The following GRID2 variants were observed in gnomAD, a reference collection of about 807,000 sequenced individuals.
The protein encoded by GRID2 is glutamate receptor ionotropic, delta-2.
A neutral mutation model predicts 114.8 loss-of-function variants in GRID2; 33 were observed. The ratio of observed to expected loss-of-function variants is 0.29; its 90% CI spans 0.22 to 0.38. GRID2 has a LOEUF of 0.38. Among genes scored for constraint, GRID2 ranks in the 10% least tolerant of loss-of-function variants. The pLI, the probability that GRID2 is intolerant of heterozygous loss-of-function variation, is 1.00. For missense variants in GRID2, 1,184 were observed against 1,257.7 expected (o/e 0.94, Z 0.89); for synonymous variants, 505 against 449.9 (o/e 1.12, Z -1.55).
intron 2 of GRID2, among the ~76,000 whole-genome samples, chr4:93,070,978 A>T (rs1728757724): frequency 6.6e-6 from 1 of 152,098 alleles, no homozygotes; most frequent in Non-Finnish European, 1.5e-5. Context: ...TACGCCAAGC[A>T]TATCTGAGTT....
At chr4:93,239,235 T>G (rs999491188) in intron 8 of GRID2, among the ~76,000 whole-genome samples, 2 of 148,324 alleles carry the variant, frequency 1.3e-5, no homozygotes, top group Non-Finnish European at 3.0e-5. Flanking sequence ...CACATATAGA[T>G]ATATTTGGTA....
intron 4 of GRID2, among the ~76,000 whole-genome samples, chr4:93,142,362 A>C (rs1443087899): frequency 6.6e-6 from 1 of 152,230 alleles, no homozygotes; most frequent in African/African-American, 2.4e-5. Flanking sequence ...TAGGAGGTCC[A>C]AGATCAAGGT....
At chr4:92,444,329 C>T (rs912476301) in intron 1 of GRID2, among the ~76,000 whole-genome samples, 5 of 151,720 alleles carry the variant, frequency 3.3e-5, no homozygotes, top group African/African-American at 1.2e-4. Flanking sequence ...AAGGGTGGGG[C>T]CGTTTTATAG....
At chr4:93,197,357 GT>G (rs1346438350) in intron 4 of GRID2, among the ~76,000 whole-genome samples, 1 of 152,056 alleles carries the variant, frequency 6.6e-6, no homozygotes, top group African/African-American at 2.4e-5. Flanking sequence ...TTAACTTTTT[GT>G]TCCTCAGTTT....
Position 93,679,030 on chromosome 4 carries a change from C to T in GRID2, c.2360+52595C>T, listed in dbSNP as rs548533011. On this transcript the variant is annotated intron_variant, in intron 14 of 15. Transcript: ENST00000282020. The stretch of plus-strand genomic sequence containing the variant: ...CCATCAGTGTGCTGTATTCAGGAAA[C>T]CCATCACACATGCAGAGACACACAT... Among the ~76,000 whole-genome samples, 39 of 151,156 alleles carry T rather than the reference C, an allele frequency of 2.6e-4. 2 individuals are homozygous for T. Among genetic ancestry groups the T allele is most frequent in the Admixed American group, 4.6e-4 (7 of 15,222 alleles).
In GRID2 at chr4:92,845,662, G is replaced by A. The variant is rs555835716; in HGVS notation, c.245-239333G>A. Among the ~76,000 whole-genome samples, 12 of 152,172 alleles carry A rather than the reference G, an allele frequency of 7.9e-5. No individual in the cohort carries two copies. In the South Asian group the frequency reaches 2.5e-3, roughly 32 times the overall value. ...ATGGATATCAGGTGCACACCTGGCA[G>A]CAACCACACAATTGAGAAGCAATTT... On this transcript the variant is annotated intron_variant, in intron 2 of 15. Coordinates refer to ENST00000282020, the MANE Select transcript of GRID2 (RefSeq NM_001510.4).
intron 13 of GRID2, among the ~76,000 whole-genome samples, chr4:93,619,760 C>A (rs1437130118): frequency 1.3e-5 from 2 of 152,068 alleles, no homozygotes; most frequent in Non-Finnish European, 2.9e-5. Flanking sequence ...CAACCTTTTT[C>A]TTAAAAGCCC....
chr4:93,626,182 C>A, intron 13 of GRID2, 87 bp from the exon 14 acceptor site: 1 of 655,386 alleles, frequency 1.5e-6, no homozygotes. Context: ...TAAATATATA[C>A]CAATGTAATG....
At chr4:93,091,962 A>ATC (rs1306336672) in intron 3 of GRID2, among the ~76,000 whole-genome samples, 3 of 152,160 alleles carry the variant, frequency 2.0e-5, no homozygotes, top group African/African-American at 4.8e-5. Flanking sequence ...GGTGTAGGTA[A>ATC]TCCCACACGA....
chr4:92,988,728 G>A (rs538909567), intron 2 of GRID2, among the ~76,000 whole-genome samples: 1 of 152,088 alleles, frequency 6.6e-6, no homozygotes, highest in Non-Finnish European at 1.5e-5. Context: ...ATCCCTGGAA[G>A]AATATAGAAA....
intron 1 of GRID2, among the ~76,000 whole-genome samples, chr4:92,559,384 G>T (rs974272534): frequency 2.6e-5 from 4 of 152,132 alleles, no homozygotes; most frequent in South Asian, 2.1e-4. Context: ...TTCACATTTT[G>T]GATTATTTCA....
chr4:93,135,701 C>T (rs556640014), intron 4 of GRID2, among the ~76,000 whole-genome samples: 1 of 152,236 alleles, frequency 6.6e-6, no homozygotes, highest in Admixed American at 6.5e-5. Flanking sequence ...TGAAAATAAA[C>T]TAAGCCCTAG....
intron 12 of GRID2, among the ~76,000 whole-genome samples, chr4:93,507,912 T>C (rs1180254709): frequency 6.6e-6 from 1 of 152,090 alleles, no homozygotes; most frequent in African/African-American, 2.4e-5. Context: ...GCCCAGCTGA[T>C]TGTGTTACAG....
intron 2 of GRID2, among the ~76,000 whole-genome samples, chr4:92,939,757 G>A (rs1293259782): frequency 2.0e-5 from 3 of 147,374 alleles, no homozygotes; most frequent in African/African-American, 7.3e-5. Flanking sequence ...GTGTAAGGAA[G>A]GGATCCAGTT....
intron 14 of GRID2, among the ~76,000 whole-genome samples, chr4:93,758,416 A>T (rs1450265006): frequency 6.6e-6 from 1 of 152,164 alleles, no homozygotes; most frequent in East Asian, 1.9e-4. Context: ...TCTAACTTAG[A>T]TGTTGTTTGC....
In GRID2 at chr4:92,759,462, T is replaced by C. The variant is rs549514798; in HGVS notation, c.244+169176T>C. Among the ~76,000 whole-genome samples the C allele has an allele frequency of 3.2e-3, 492 of 152,272 alleles. 1 individual carries two copies. The highest frequency in any genetic ancestry group is 0.011 in the African/African-American group (477 of 41,554). On this transcript the variant is annotated intron_variant, in intron 2 of 15. Coordinates refer to ENST00000282020, the MANE Select transcript of GRID2 (RefSeq NM_001510.4). Reference sequence around the variant, plus strand: ...ATGAAAAGGAACTTCCCCCCAATACTTTTCATTCACTGATGAGCGCTCCAC... The same window carrying C: ...ATGAAAAGGAACTTCCCCCCAATACCTTTCATTCACTGATGAGCGCTCCAC...
chr4:92,943,633 C>G (rs895909187), intron 2 of GRID2, among the ~76,000 whole-genome samples: 1 of 152,168 alleles, frequency 6.6e-6, no homozygotes, highest in Admixed American at 6.5e-5. Flanking sequence ...GAGCTGCATT[C>G]CTTTGGAGGA....
chr4:93,204,541 A>T (rs1404441756), intron 4 of GRID2, among the ~76,000 whole-genome samples: 1 of 152,150 alleles, frequency 6.6e-6, no homozygotes, highest in Non-Finnish European at 1.5e-5. Flanking sequence ...TGCTGACCCT[A>T]AGCAACAGAG....
At chr4:93,719,741 T>C (rs577171356) in intron 14 of GRID2, among the ~76,000 whole-genome samples, 2 of 152,276 alleles carry the variant, frequency 1.3e-5, no homozygotes, top group East Asian at 1.9e-4. Context: ...ATGATTCCAA[T>C]AGTCTGAGCA....
Sources: gnomAD v4.1 joint callset for allele counts (sites outside exome capture counted in the v4.1 genomes callset) on GRCh38, gnomAD v4.1.1 for gene constraint, MANE v1.5 for transcripts, NCBI Gene and HGNC (gene_info 2026-07-23, HGNC 2026-07-21) for gene names.